Variants in CDKL1 observed in about 807,000 individuals in gnomAD.
CDKL1 encodes cyclin-dependent kinase-like 1.
CDKL1 carries 41 observed loss-of-function variants against 42.0 expected under a neutral mutation model. That is an observed-to-expected ratio of 0.98 (90% CI 0.76 to 1.27). CDKL1 has a LOEUF of 1.27. Among genes scored for constraint, CDKL1 ranks in the 50% most tolerant of loss-of-function variants. The pLI is 0.00. For missense variants in CDKL1, 394 were observed against 428.4 expected (o/e 0.92, Z 0.71); for synonymous variants, 153 against 158.6 (o/e 0.96, Z 0.26).
At chr14:50,353,818 C>T (rs2033975162) in intron 3 of CDKL1, among the ~76,000 whole-genome samples, 1 of 152,060 alleles carries the variant, frequency 6.6e-6, no homozygotes, top group Non-Finnish European at 1.5e-5. Flanking sequence ...ATCGCTTGAG[C>T]CCAGGAGTTC....
At chr14:50,361,279 T>C (rs2034238605) in intron 2 of CDKL1, among the ~76,000 whole-genome samples, 1 of 152,240 alleles carries the variant, frequency 6.6e-6, no homozygotes, top group Admixed American at 6.5e-5. Context: ...AAGTTCTTTT[T>C]TCTTTCCTCA....
intron 2 of CDKL1, among the ~76,000 whole-genome samples, chr14:50,395,147 G>C (rs545975773): frequency 6.6e-6 from 1 of 152,182 alleles, no homozygotes; most frequent in African/African-American, 2.4e-5. Context: ...AATAGACTGA[G>C]TATACCAATA....
At chr14:50,331,980 G>T in intron 9 of CDKL1, 7 of 1,480,726 alleles carry the variant, frequency 4.7e-6, no homozygotes, top group South Asian at 1.3e-5. Flanking sequence ...TCCTTAGCTG[G>T]ACTCATACTC....
intron 3 of CDKL1, among the ~76,000 whole-genome samples, chr14:50,356,634 C>T (rs1004796216): frequency 2.0e-5 from 3 of 152,168 alleles, no homozygotes; most frequent in Non-Finnish European, 2.9e-5. Flanking sequence ...ACAATGAGAA[C>T]ACATGGACAC....
chr14:50,347,342 TAG>T (rs371500215), intron 3 of CDKL1, among the ~76,000 whole-genome samples: 190 of 148,488 alleles, frequency 1.3e-3, no homozygotes, highest in African/African-American at 2.0e-3. Context: ...GTGTTGGATT[TAG>T]AGAGAGAGAG....
chr14:50,332,184 G>A, intron 9 of CDKL1, 78 bp downstream of exon 9: 1 of 1,614,102 alleles, frequency 6.2e-7, no homozygotes, highest in Non-Finnish European at 8.5e-7. Context: ...GGAGCTGAAA[G>A]CCACAACTGC....
chr14:50,370,377 C>A (rs1478769649), intron 2 of CDKL1, among the ~76,000 whole-genome samples: 2 of 152,184 alleles, frequency 1.3e-5, no homozygotes, highest in Admixed American at 1.3e-4. Context: ...CCTCTCTCAG[C>A]AATTTTGAAG....
chr14:50,351,254 G>A (rs1311496629), intron 3 of CDKL1, among the ~76,000 whole-genome samples: 1 of 151,876 alleles, frequency 6.6e-6, no homozygotes, highest in Non-Finnish European at 1.5e-5. Flanking sequence ...AATGCGGCAG[G>A]AATTACAAGG....
chr14:50,332,016 A>C (rs772665635), intron 9 of CDKL1: 1 of 1,535,906 alleles, frequency 6.5e-7, no homozygotes, highest in African/African-American at 1.4e-5. Context: ...ACCTGTGCTC[A>C]TGCAGGCTGG....
intron 8 of CDKL1, 146 bp from the exon 9 acceptor site, chr14:50,332,578 T>C (rs1322519451): frequency 1.4e-6 from 2 of 1,480,144 alleles, no homozygotes; most frequent in African/African-American, 2.8e-5. Flanking sequence ...TGATTTTAGT[T>C]CCTTCCAGTC....
intron 2 of CDKL1, chr14:50,378,066 G>C: frequency 1.0e-6 from 1 of 975,156 alleles, no homozygotes; most frequent in Non-Finnish European, 1.4e-6. Context: ...TCTAGGATAG[G>C]GACATCTACG....
At chr14:50,345,225 G>A (rs998556839) in intron 3 of CDKL1, among the ~76,000 whole-genome samples, 167 bp from the exon 4 acceptor site, 6 of 152,050 alleles carry the variant, frequency 3.9e-5, no homozygotes, top group East Asian at 1.9e-4. Flanking sequence ...AAAAATATGC[G>A]ACCAGCACAC....
intron 7 of CDKL1, chr14:50,335,679 C>G (rs1318122669): frequency 2.0e-6 from 3 of 1,487,112 alleles, no homozygotes; most frequent in Non-Finnish European, 2.7e-6. Context: ...CCAAGCTGAG[C>G]AAAATAAGTG....
At chr14:50,369,259 C>G (rs1294477298) in intron 2 of CDKL1, among the ~76,000 whole-genome samples, 1 of 152,100 alleles carries the variant, frequency 6.6e-6, no homozygotes, top group Non-Finnish European at 1.5e-5. Context: ...CCTGTAGACT[C>G]TGTGGCACTT....
intron 7 of CDKL1, 23 bp from the exon 8 acceptor site, chr14:50,334,644 T>C: frequency 7.2e-7 from 1 of 1,393,176 alleles, no homozygotes; most frequent in Non-Finnish European, 1.0e-6. Context: ...AAAGAGGTTT[T>C]TAATTTACAG....
intron 2 of CDKL1, among the ~76,000 whole-genome samples, chr14:50,375,721 C>T (rs1448497770): frequency 5.9e-5 from 9 of 151,832 alleles, no homozygotes; most frequent in African/African-American, 1.7e-4. Flanking sequence ...CGCTTGAACC[C>T]GGGAGGCGGA....
chr14:50,352,614 G>T (rs932349830), intron 3 of CDKL1, among the ~76,000 whole-genome samples: 1 of 151,590 alleles, frequency 6.6e-6, no homozygotes, highest in Middle Eastern at 3.4e-3. Flanking sequence ...AACATATATA[G>T]AAAATACATA....
chr14:50,342,252 A>C, intron 4 of CDKL1, 30 bp from the exon 5 acceptor site: 1 of 1,578,488 alleles, frequency 6.3e-7, no homozygotes, highest in South Asian at 1.1e-5. Flanking sequence ...CAAAAACAAT[A>C]TTAAGGCTGA....
chr14:50,395,324 C>T (rs2035366670), intron 2 of CDKL1, among the ~76,000 whole-genome samples: 1 of 152,200 alleles, frequency 6.6e-6, no homozygotes, highest in Non-Finnish European at 1.5e-5. Context: ...AAGTGAATGC[C>T]ACCTTACCTG....
Sources: gnomAD v4.1 joint callset for allele counts (sites outside exome capture counted in the v4.1 genomes callset) on GRCh38, gnomAD v4.1.1 for gene constraint, MANE v1.5 for transcripts, NCBI Gene and HGNC (gene_info 2026-07-23, HGNC 2026-07-21) for gene names.